Variants in HBS1L observed in about 807,000 individuals in gnomAD.
HBS1L encodes the protein HBS1-like protein.
In HBS1L, 55 loss-of-function variants were observed where a neutral mutation model predicts 88.9. The observed-to-expected ratio is 0.62, with a 90% CI of 0.50 to 0.77. HBS1L has a LOEUF of 0.77. Ranked by LOEUF, HBS1L falls within the 30% of genes least tolerant of loss-of-function variation. HBS1L has a pLI of 0.00. For missense variants in HBS1L, 741 were observed against 829.3 expected (o/e 0.89, Z 1.31); for synonymous variants, 267 against 288.5 (o/e 0.93, Z 0.76).
chr6:135,009,635 C>T (rs1775713335), intron 4 of HBS1L, among the ~76,000 whole-genome samples: 2 of 151,814 alleles, frequency 1.3e-5, no homozygotes, highest in East Asian at 1.9e-4. Context: ...AGTAGTATTA[C>T]ATATTCTTTT....
chr6:134,975,018 A>G (rs1176152949), intron 15 of HBS1L, among the ~76,000 whole-genome samples: 5 of 152,150 alleles, frequency 3.3e-5, no homozygotes, highest in African/African-American at 1.2e-4. Context: ...AATCCTAAAG[A>G]TTCCTCCCAA....
chr6:134,976,669 T>A (rs917039738), intron 15 of HBS1L, among the ~76,000 whole-genome samples: 1 of 152,008 alleles, frequency 6.6e-6, no homozygotes, highest in African/African-American at 2.4e-5. Flanking sequence ...CCAAATAGCA[T>A]ATGTGCTTAC....
intron 12 of HBS1L, 100 bp downstream of exon 12, chr6:134,985,241 T>A: frequency 1.6e-6 from 1 of 611,230 alleles, no homozygotes; most frequent in Non-Finnish European, 2.8e-6. Flanking sequence ...GGAGAGACTC[T>A]GAAGGCAATA....
At chr6:135,036,310 C>G in intron 4 of HBS1L, 1 of 1,074,950 alleles carries the variant, frequency 9.3e-7, no homozygotes, top group Non-Finnish European at 1.1e-6. Context: ...TTCACAACAT[C>G]AAGTTTCCAT....
In HBS1L at chr6:135,039,629, A is replaced by T. The variant is rs182995295; in HGVS notation, c.374T>A (p.Val125Glu). 124 of 1,614,088 alleles carry T rather than the reference A, an allele frequency of 7.7e-5. 1 individual carries two copies. In the South Asian group the frequency reaches 8.0e-4, roughly 10 times the overall value. Residue 125 changes from valine (V) to glutamate (E), a missense_variant, in exon 4 of 18, where the codon GTG (valine) becomes GAG (glutamate). This residue lies in a region of HBS1L where 556 missense variants were observed against 598.4 expected (regional missense o/e 0.93). Coordinates refer to ENST00000367837, the MANE Select transcript of HBS1L (RefSeq NM_006620.4). ...CTCATTCTTGTCCTTCAAACTCTGC[A>T]CTCTATCTTGTTCCAGAACCCCTGA... is the stretch of plus-strand genomic sequence containing the variant. ...ALSGVLEQDR[V>E]QSLKDKNEAT...
rs75737124 is a variant in HBS1L, at chr6:135,045,025, A to G, written c.110-2899T>C. ...CTCAAAAACCCATACTGTGGCCACTATTTTGGAAGTAGTAATGGTTGGATT... is the reference window on the plus strand; with the variant it reads ...CTCAAAAACCCATACTGTGGCCACTGTTTTGGAAGTAGTAATGGTTGGATT... On this transcript the variant is annotated intron_variant, in intron 2 of 17. Coordinates refer to ENST00000367837, the MANE Select transcript of HBS1L (RefSeq NM_006620.4). 6.6e-5 allele frequency among the ~76,000 whole-genome samples: 10 copies of G among 151,516 alleles called. No individual in the cohort carries two copies. In the East Asian group the frequency reaches 1.2e-3, roughly 18 times the overall value.
In HBS1L at chr6:134,984,486, G is replaced by A. The variant is rs115529681; in HGVS notation, c.1492+855C>T. Among the ~76,000 whole-genome samples, 1,306 of 152,268 alleles carry A rather than the reference G, an allele frequency of 8.6e-3. 13 individuals are homozygous for A. The highest frequency in any genetic ancestry group is 0.03 in the African/African-American group (1,227 of 41,552). On this transcript the variant is annotated intron_variant, in intron 12 of 17. Transcript: ENST00000367837. The stretch of plus-strand genomic sequence containing the variant: ...GGATACAGAGAATACAGAGGGACGC[G>A]TCAGGGCATGTGCGCAGGTAAGCAC...
Position 134,965,086 on chromosome 6 carries a change from T to A in HBS1L, c.*193A>T. The A allele has an allele frequency of 1.7e-6, 1 of 593,740 alleles. No individual in the cohort carries two copies. The highest frequency in any genetic ancestry group is 3.0e-5 in the East Asian group (1 of 33,706). The allele number at this position is 593,740 out of a possible 1,614,324, so 36.8% of individuals were successfully genotyped here. ...GTTGTTTTTAACATTAGACTTTCTTTGCCAGTTGGCAACTTAGAATTTTTG... is the reference window on the plus strand; with the variant it reads ...GTTGTTTTTAACATTAGACTTTCTTAGCCAGTTGGCAACTTAGAATTTTTG... On this transcript the variant is annotated 3_prime_UTR_variant, in exon 18 of 18. Coordinates refer to ENST00000367837, the MANE Select transcript of HBS1L (RefSeq NM_006620.4).
chr6:135,011,526 A>G (rs1775773538), intron 4 of HBS1L, among the ~76,000 whole-genome samples: 1 of 152,150 alleles, frequency 6.6e-6, no homozygotes, highest in African/African-American at 2.4e-5. Context: ...TCTCTTTAAA[A>G]AAGGTTCTCC....
intron 13 of HBS1L, among the ~76,000 whole-genome samples, chr6:134,980,073 T>C (rs1025893240): frequency 6.6e-6 from 1 of 152,032 alleles, no homozygotes. Context: ...ATGGAATACA[T>C]TTATGGATTA....
At chr6:135,035,304 G>C (rs1776500922) in intron 4 of HBS1L, among the ~76,000 whole-genome samples, 1 of 150,624 alleles carries the variant, frequency 6.6e-6, no homozygotes, top group Admixed American at 6.6e-5. Context: ...ACAAAAATCA[G>C]CTGGGCGTGG....
chr6:135,050,681 C>A (rs762051433), intron 1 of HBS1L, 34 bp from the exon 2 acceptor site: 11 of 1,373,450 alleles, frequency 8.0e-6, no homozygotes, highest in Non-Finnish European at 1.0e-5. Flanking sequence ...AATTCATTTA[C>A]AAGTTCTTTT....
chr6:135,039,783 A>T lies in HBS1L; in HGVS notation c.236-16T>A. ...TAAAGACGAGCTAGAAAAGACGACAATGGTCAAAAGCTATACTAAATGGTG... is the reference window on the plus strand; with the variant it reads ...TAAAGACGAGCTAGAAAAGACGACATTGGTCAAAAGCTATACTAAATGGTG... On this transcript the variant is annotated splice_polypyrimidine_tract_variant and intron_variant, in intron 3 of 17. Transcript: ENST00000367837. The T allele has an allele frequency of 6.3e-7, 1 of 1,598,642 alleles. No individual in the cohort carries two copies. Among genetic ancestry groups the T allele is most frequent in the Non-Finnish European group, 8.5e-7 (1 of 1,173,206 alleles).
chr6:134,989,471 C>T (rs1775071286), intron 8 of HBS1L, among the ~76,000 whole-genome samples: 1 of 152,116 alleles, frequency 6.6e-6, no homozygotes, highest in Non-Finnish European at 1.5e-5. Context: ...GAACAGAGTC[C>T]ACAACAGCTT....
intron 5 of HBS1L, among the ~76,000 whole-genome samples, chr6:135,000,235 T>TTTTTTTTTTTTTTTTTTTTTG (rs1418341711): frequency 6.6e-6 from 1 of 150,480 alleles, no homozygotes; most frequent in African/African-American, 2.5e-5. Flanking sequence ...TTTTTTTTTT[T>TTTTTTTTTTTTTTTTTTTTTG]TTGGTAGAGA....
At position 135,002,823 on chromosome 6, in the gene HBS1L, C is replaced by G. The variant is rs35697718; in HGVS notation, c.450G>C (p.Gln150His). 4.0e-4 allele frequency: 652 copies of G among 1,612,204 alleles called. 5 individuals are homozygous for G. In the African/African-American group the frequency reaches 7.2e-3, roughly 18 times the overall value. The change falls in exon 5 of 18, where the codon CAG (glutamine) becomes CAC (histidine). Residue 150 changes from glutamine to histidine, a missense_variant. Gln to His is a conservative substitution (Grantham distance 24, BLOSUM62 0). Around this residue, in one of 3 missense-constraint regions of HBS1L, gnomAD observed 556 missense variants for 598.4 expected, o/e 0.93. Transcript: ENST00000367837. ...CAATTTCAGATTCACTTCGCGATGT[C>G]TGGGAATCTACTGGTTTTCCTAGTT... The part of the protein sequence containing the change: ...KIAKGKPVDS[Q>H]TSRSESEIVP...
intron 2 of HBS1L, among the ~76,000 whole-genome samples, chr6:135,046,153 T>C (rs904363082): frequency 2.6e-5 from 4 of 152,160 alleles, no homozygotes; most frequent in Non-Finnish European, 4.4e-5. Context: ...TTAAGCAACG[T>C]TGTTTCCTCT....
At chr6:135,019,450 T>A (rs1431269834) in intron 4 of HBS1L, among the ~76,000 whole-genome samples, 1 of 151,918 alleles carries the variant, frequency 6.6e-6, no homozygotes, top group Non-Finnish European at 1.5e-5. Flanking sequence ...AGATGATAAA[T>A]GAAAATTAAA....
intron 4 of HBS1L, among the ~76,000 whole-genome samples, chr6:135,032,067 A>G (rs767264362): frequency 1.3e-5 from 2 of 151,950 alleles, no homozygotes; most frequent in Non-Finnish European, 2.9e-5. Flanking sequence ...AGTCCTAAAA[A>G]GTAAAAGAAT....
Sources: gnomAD v4.1 joint callset for allele counts (sites outside exome capture counted in the v4.1 genomes callset) on GRCh38, gnomAD v4.1.1 for gene constraint, gnomAD v4.1.1 regional missense constraint, MANE v1.5 for transcripts, NCBI Gene and HGNC (gene_info 2026-07-23, HGNC 2026-07-21) for gene names.